Variants in ACVR1C observed in about 807,000 individuals in gnomAD.
ACVR1C encodes activin A receptor type 1C, also known as activin receptor type-1C.
Under a neutral mutation model 57.9 loss-of-function variants are expected in ACVR1C, and 23 were observed. That is an observed-to-expected ratio of 0.40 (90% CI 0.29 to 0.56). The LOEUF is 0.56. Ranked by LOEUF, ACVR1C falls within the 20% of genes least tolerant of loss-of-function variation. The pLI is 0.50. For synonymous variants in ACVR1C, 214 were observed against 215.3 expected (o/e 0.99, Z 0.05); for missense variants, 480 against 607.9 (o/e 0.79, Z 2.21).
intron 1 of ACVR1C, among the ~76,000 whole-genome samples, chr2:157,607,366 T>C (rs1682425632): frequency 6.6e-6 from 1 of 151,542 alleles, no homozygotes; most frequent in African/African-American, 2.4e-5. Context: ...ATTTGGTCAC[T>C]ATAGCCTTCC....
chr2:157,626,282 T>A (rs192311747), intron 1 of ACVR1C, among the ~76,000 whole-genome samples: 10 of 152,262 alleles, frequency 6.6e-5, no homozygotes, highest in Admixed American at 2.6e-4. Context: ...CTGATTTTTT[T>A]AATTCCAGTC....
Position 157,587,431 on chromosome 2 carries a change from G to C in ACVR1C, c.74-14C>G. The C allele has an allele frequency of 1.3e-6, 2 of 1,567,034 alleles. No individual in the cohort carries two copies. Among genetic ancestry groups the C allele is most frequent in the South Asian group, 2.2e-5 (2 of 89,712 alleles). On this transcript the variant is annotated splice_polypyrimidine_tract_variant and intron_variant, in intron 1 of 8. Transcript: ENST00000243349. ...CACACTTCAGTCCTGGAAAGAGTAA[G>C]GCAAAAAGATTTAAAATACAAAAGA... is the stretch of plus-strand genomic sequence containing the variant.
chr2:157,587,106 T>C (rs1688941444), intron 2 of ACVR1C, 81 bp downstream of exon 2: 1 of 1,261,136 alleles, frequency 7.9e-7, no homozygotes, highest in East Asian at 2.3e-5. Context: ...TAAAGAAACA[T>C]AAGACAGTTT....
chr2:157,560,705 A>G (rs1249882953), intron 2 of ACVR1C, among the ~76,000 whole-genome samples: 1 of 152,174 alleles, frequency 6.6e-6, no homozygotes, highest in Non-Finnish European at 1.5e-5. Flanking sequence ...TAAAAGCCAG[A>G]CAAACCCTGC....
chr2:157,572,775 G>A (rs1688547363), intron 2 of ACVR1C, among the ~76,000 whole-genome samples: 2 of 152,056 alleles, frequency 1.3e-5, no homozygotes, highest in South Asian at 4.1e-4. Flanking sequence ...TTATATTTCA[G>A]AGCACTTTCC....
intron 2 of ACVR1C, among the ~76,000 whole-genome samples, chr2:157,577,508 G>T (rs187151200): frequency 8.5e-5 from 13 of 152,208 alleles, no homozygotes; most frequent in African/African-American, 2.2e-4. Flanking sequence ...GTTAAAAAGT[G>T]ATATTTTTAA....
intron 3 of ACVR1C, among the ~76,000 whole-genome samples, chr2:157,555,131 A>G (rs1414045386): frequency 6.0e-5 from 2 of 33,230 alleles, no homozygotes; most frequent in Admixed American, 4.7e-4. Context: ...TTTTTTTTTG[A>G]GACGGAGTCT....
chr2:157,536,702 A>G (rs1017366244), intron 8 of ACVR1C, among the ~76,000 whole-genome samples: 1 of 152,190 alleles, frequency 6.6e-6, no homozygotes, highest in African/African-American at 2.4e-5. Context: ...AAATGATTTG[A>G]GAGGTAAGAA....
intron 4 of ACVR1C, among the ~76,000 whole-genome samples, chr2:157,545,645 G>A (rs1043436076): frequency 6.6e-6 from 1 of 152,098 alleles, no homozygotes; most frequent in Non-Finnish European, 1.5e-5. Context: ...AGTGAAGTTA[G>A]AGATCATTTG....
rs1255017347 is a variant in ACVR1C at position 157,541,153 on chromosome 2, G to A, written c.1162C>T (p.Arg388Ter). 16 of 1,613,838 alleles carry A rather than the reference G, an allele frequency of 9.9e-6. No individual in the cohort carries two copies. Among genetic ancestry groups the A allele is most frequent in the East Asian group, 2.2e-5 (1 of 44,872 alleles). Residue 388 changes from arginine (R) to a stop codon, truncating the protein, a stop_gained, in exon 7 of 9, where the codon CGA becomes TGA. Coordinates refer to ENST00000243349, the MANE Select transcript of ACVR1C (RefSeq NM_145259.3). LOFTEE classifies it high-confidence loss of function. ...MNVNIFESFK[R>*]ADIYSVGLVY... ...AGACCAACAGAATAGATGTCAGCTC[G>A]TTTGAAGGACTCAAAGATATTCACA...
intron 8 of ACVR1C, among the ~76,000 whole-genome samples, chr2:157,535,997 T>C (rs914667557): frequency 6.6e-5 from 10 of 152,190 alleles, no homozygotes; most frequent in Admixed American, 2.0e-4. Context: ...AGAGTCTAAA[T>C]GCTCTAAAAT....
At position 157,544,546 on chromosome 2, in the gene ACVR1C, T is replaced by C; in HGVS notation, c.842A>G (p.Tyr281Cys). The change falls in exon 5 of 9, where the codon TAT (tyrosine) becomes TGT (cysteine). Residue 281 changes from tyrosine (Y) to cysteine (C), a missense_variant. Tyr to Cys is a radical substitution (Grantham distance 194). Transcript: ENST00000243349. ...CACGGTCACTATATTTCTATTCAAA[T>C]AGTCATATAAGGAGCCCTGTTCATG... ...EYHEQGSLYD[Y>C]LNRNIVTVAG... 2 of 1,614,034 alleles carry C rather than the reference T, an allele frequency of 1.2e-6. No individual in the cohort carries two copies. The highest frequency in any genetic ancestry group is 1.7e-6 in the Non-Finnish European group (2 of 1,179,936).
chr2:157,542,103 T>C (rs1687639283), intron 6 of ACVR1C, among the ~76,000 whole-genome samples: 1 of 152,338 alleles, frequency 6.6e-6, no homozygotes, highest in Non-Finnish European at 1.5e-5. Context: ...ATTCTGTTCC[T>C]TGAAAGTGGG....
intron 1 of ACVR1C, among the ~76,000 whole-genome samples, chr2:157,608,884 A>T (rs1489604013): frequency 6.6e-6 from 1 of 151,720 alleles, no homozygotes; most frequent in African/African-American, 2.4e-5. Flanking sequence ...TCTAGTTAAC[A>T]GTTTATGACT....
At chr2:157,609,668 T>C (rs978851184) in intron 1 of ACVR1C, among the ~76,000 whole-genome samples, 2 of 152,070 alleles carry the variant, frequency 1.3e-5, no homozygotes, top group African/African-American at 4.8e-5. Flanking sequence ...AGAATTGTTA[T>C]ATCTGCTTGC....
intron 1 of ACVR1C, among the ~76,000 whole-genome samples, chr2:157,592,646 C>G: frequency 6.6e-6 from 1 of 152,020 alleles, no homozygotes; most frequent in East Asian, 1.9e-4. Context: ...ATTTCATTTC[C>G]CACCAGTCCA....
chr2:157,628,807 C>T lies in ACVR1C; in HGVS notation c.-163G>A. On this transcript the variant is annotated 5_prime_UTR_variant, in exon 1 of 9. Coordinates refer to ENST00000243349, the MANE Select transcript of ACVR1C (RefSeq NM_145259.3). The stretch of plus-strand genomic sequence containing the variant: ...TCTAGTCAGTGTGGGCGCCCCCCTC[C>T]CCGGCCGCCCCCATCCCACGCCCCC... The T allele has an allele frequency of 2.2e-6, 1 of 451,214 alleles. No individual in the cohort carries two copies. Among genetic ancestry groups the T allele is most frequent in the Admixed American group, 4.5e-5 (1 of 22,266 alleles). The allele number at this position is 451,214 out of a possible 1,614,324, so 28.0% of individuals were successfully genotyped here.
At chr2:157,625,480 A>G (rs10164853) in intron 1 of ACVR1C, among the ~76,000 whole-genome samples, 19,751 of 152,076 alleles carry the variant, frequency 0.13, 1,702 homozygotes, top group East Asian at 0.3. Flanking sequence ...AAGGGCAAAG[A>G]TGGCAACATC....
At chr2:157,556,475 G>T in intron 2 of ACVR1C, 143 bp from the exon 3 acceptor site, 2 of 1,084,714 alleles carry the variant, frequency 1.8e-6, no homozygotes, top group Non-Finnish European at 2.6e-6. Context: ...AAGGCTCTCT[G>T]TGGTATAAGC....
Sources: gnomAD v4.1 joint callset for allele counts (sites outside exome capture counted in the v4.1 genomes callset) on GRCh38, gnomAD v4.1.1 for gene constraint, MANE v1.5 for transcripts, NCBI Gene and HGNC (gene_info 2026-07-23, HGNC 2026-07-21) for gene names.